EMCN: variants seen among roughly 807,000 people sequenced by gnomAD.
EMCN encodes endomucin.
A neutral mutation model predicts 38.4 loss-of-function variants in EMCN; 37 were observed. The ratio of observed to expected loss-of-function variants is 0.96; its 90% CI spans 0.74 to 1.27. EMCN has a LOEUF of 1.27. EMCN is among the 50% of genes most tolerant of loss of function. The probability of loss-of-function intolerance (pLI) is 0.00; values close to 1 mark genes in which losing one functional copy is unlikely to be tolerated. For synonymous variants in EMCN, 95 were observed against 100.8 expected (o/e 0.94, Z 0.35); for missense variants, 318 against 302.8 (o/e 1.05, Z -0.37).
chr4:100,491,750 G>A (rs1729087275), intron 1 of EMCN, among the ~76,000 whole-genome samples: 1 of 152,196 alleles, frequency 6.6e-6, no homozygotes, highest in African/African-American at 2.4e-5. Context: ...CAGTGGTCTT[G>A]CCACATAGCA....
At chr4:100,460,673 C>T (rs902332203) in intron 4 of EMCN, among the ~76,000 whole-genome samples, 1 of 152,104 alleles carries the variant, frequency 6.6e-6, no homozygotes, top group Admixed American at 6.6e-5. Context: ...TCCCATGACA[C>T]GTGGAAATTA....
intron 1 of EMCN, among the ~76,000 whole-genome samples, chr4:100,502,834 A>G (rs1729384801): frequency 6.6e-6 from 1 of 152,150 alleles, no homozygotes; most frequent in African/African-American, 2.4e-5. Flanking sequence ...CAATGAGATT[A>G]TCATATATTT....
intron 1 of EMCN, among the ~76,000 whole-genome samples, chr4:100,500,733 T>C (rs1353129142): frequency 6.6e-6 from 1 of 152,136 alleles, no homozygotes; most frequent in Non-Finnish European, 1.5e-5. Flanking sequence ...TTGTCACTGG[T>C]ATATACAATA....
At chr4:100,487,699 C>A (rs1468349819) in intron 1 of EMCN, among the ~76,000 whole-genome samples, 1 of 152,184 alleles carries the variant, frequency 6.6e-6, no homozygotes, top group Admixed American at 6.5e-5. Flanking sequence ...TGTGCACTTG[C>A]ACACATGCTC....
intron 5 of EMCN, among the ~76,000 whole-genome samples, chr4:100,444,829 C>T (rs570580698): frequency 6.6e-6 from 1 of 152,154 alleles, no homozygotes; most frequent in South Asian, 2.1e-4. Flanking sequence ...GGAGGGAGGG[C>T]CACAGCATCA....
chr4:100,413,549 G>A (rs1726625671), intron 10 of EMCN, among the ~76,000 whole-genome samples: 1 of 152,124 alleles, frequency 6.6e-6, no homozygotes, highest in African/African-American at 2.4e-5. Flanking sequence ...AGTGTTTGGG[G>A]AGCCACCAAG....
In EMCN at chr4:100,429,722, A is replaced by AG. The variant is rs1553927575; in HGVS notation, c.416-6319_416-6318insC. Among the ~76,000 whole-genome samples the AG allele has an allele frequency of 2.2e-4, 34 of 152,230 alleles. No individual in the cohort carries two copies. In the East Asian group the frequency reaches 6.0e-3, roughly 27 times the overall value. The stretch of plus-strand genomic sequence containing the variant: ...GGATATATTTTTCTTTTTGATTAAA[A>AG]TAGTTTTTACAAAATTATATATGAT... On this transcript the variant is annotated intron_variant, in intron 5 of 11. Coordinates refer to ENST00000296420, the MANE Select transcript of EMCN (RefSeq NM_016242.4).
intron 5 of EMCN, among the ~76,000 whole-genome samples, chr4:100,423,958 T>A (rs559464557): frequency 3.0e-4 from 45 of 152,202 alleles, no homozygotes; most frequent in Admixed American, 1.3e-3. Flanking sequence ...TATGTGCCTT[T>A]TCTAGAGTAA....
chr4:100,398,384 C>T lies in EMCN; in HGVS notation c.*40-11G>A, dbSNP rs1012460050. ...AGCTGAAGATTAAGCCTGTGAGCAA[C>T]AACAACAACAACAACAACAACAACA... On this transcript the variant is annotated splice_polypyrimidine_tract_variant and intron_variant, in intron 11 of 11. Coordinates refer to ENST00000296420, the MANE Select transcript of EMCN (RefSeq NM_016242.4). 1.3e-5 allele frequency: 2 copies of T among 151,104 alleles called. No homozygotes were observed. Among genetic ancestry groups the T allele is most frequent in the Admixed American group, 1.3e-4 (2 of 15,154 alleles). The allele number at this position is 151,104 out of a possible 1,614,324, so 9.4% of individuals were successfully genotyped here. A position where few individuals can be genotyped will look rare whatever the true frequency, so the allele number is the denominator to read the frequency against.
At chr4:100,421,039 G>C (rs1388518659) in intron 8 of EMCN, among the ~76,000 whole-genome samples, 2 of 151,800 alleles carry the variant, frequency 1.3e-5, no homozygotes, top group East Asian at 3.9e-4. Flanking sequence ...TAAAATTTGG[G>C]CTATTTTATT....
At chr4:100,408,165 T>G (rs1263944014) in intron 11 of EMCN, among the ~76,000 whole-genome samples, 1 of 152,196 alleles carries the variant, frequency 6.6e-6, no homozygotes, top group Non-Finnish European at 1.5e-5. Context: ...TGGGTTTCAA[T>G]CTTCTGATTT....
intron 1 of EMCN, among the ~76,000 whole-genome samples, chr4:100,510,764 TCAGA>T (rs1176009587): frequency 6.6e-6 from 1 of 152,214 alleles, no homozygotes; most frequent in Non-Finnish European, 1.5e-5. Flanking sequence ...GAACTTGAAC[TCAGA>T]CAATCTGTCT....
intron 4 of EMCN, among the ~76,000 whole-genome samples, chr4:100,448,240 A>C (rs1290392900): frequency 1.3e-5 from 2 of 152,206 alleles, no homozygotes; most frequent in Non-Finnish European, 2.9e-5. Context: ...ACCTTTGAGT[A>C]CATGCAGCAT....
chr4:100,508,823 A>T (rs747824395), intron 1 of EMCN, among the ~76,000 whole-genome samples: 1 of 152,220 alleles, frequency 6.6e-6, no homozygotes, highest in Admixed American at 6.5e-5. Context: ...TGATTTGAAC[A>T]GTCACTATAA....
chr4:100,466,981 G>A (rs1728334148), intron 3 of EMCN, among the ~76,000 whole-genome samples: 1 of 152,156 alleles, frequency 6.6e-6, no homozygotes, highest in Non-Finnish European at 1.5e-5. Context: ...AGTCTTGGTG[G>A]AGGGAAAGAG....
rs75271521 is a variant in EMCN, at chr4:100,396,942, CT to C, written c.*1470del. 0.044 allele frequency: 6,401 copies of C among 145,366 alleles called. 415 individuals carry two copies. Among genetic ancestry groups the C allele is most frequent in the African/African-American group, 0.14 (5,715 of 39,896 alleles). 9.0% of individuals were successfully genotyped at this position (145,366 alleles called of 1,614,324 possible). A position where few individuals can be genotyped will look rare whatever the true frequency, so the allele number is the denominator to read the frequency against. ...TCTCCTCTCTTCCTTTCCTTTCTTT[CT>C]TTTTTTTTTTTCTACTTCCCATCCT... On this transcript the variant is annotated 3_prime_UTR_variant, in exon 12 of 12. Coordinates refer to ENST00000296420, the MANE Select transcript of EMCN (RefSeq NM_016242.4).
At chr4:100,488,246 G>A (rs1380895685) in intron 1 of EMCN, among the ~76,000 whole-genome samples, 4 of 152,118 alleles carry the variant, frequency 2.6e-5, no homozygotes, top group Admixed American at 2.6e-4. Flanking sequence ...AGAATAACTT[G>A]CATTTATACA....
chr4:100,465,664 A>G (rs1408005766), intron 3 of EMCN, 125 bp from the exon 4 acceptor site: 3 of 486,776 alleles, frequency 6.2e-6, no homozygotes, highest in East Asian at 6.4e-5. Flanking sequence ...TAAGCCTTAG[A>G]AATCCAGCAT....
chr4:100,434,480 A>G (rs1418952865), intron 5 of EMCN, among the ~76,000 whole-genome samples: 1 of 152,006 alleles, frequency 6.6e-6, no homozygotes, highest in Non-Finnish European at 1.5e-5. Flanking sequence ...TACTGAAACT[A>G]TTTTAAATAA....
Sources: allele counts gnomAD v4.1 joint callset (sites outside exome capture counted in the v4.1 genomes callset), GRCh38; gene constraint gnomAD v4.1.1; transcripts MANE v1.5; gene names NCBI Gene and HGNC (gene_info 2026-07-23, HGNC 2026-07-21).